FAM222A: variants seen among roughly 807,000 people sequenced by gnomAD.
FAM222A encodes family with sequence similarity 222 member A.
Under a neutral mutation model 25.8 loss-of-function variants are expected in FAM222A, and 7 were observed. The observed-to-expected ratio is 0.27, with a 90% CI of 0.15 to 0.51. The LOEUF is 0.51. FAM222A is among the 20% of genes least tolerant of loss of function. The pLI is 0.97. For synonymous variants in FAM222A, 294 were observed against 298.8 expected, an observed-to-expected ratio of 0.98 and a Z score of 0.17; for missense variants, 573 against 640.5, an observed-to-expected ratio of 0.89 and a Z score of 1.14.
Position 109,769,299 on chromosome 12 carries a change from G to T in FAM222A, c.*11G>T. 6.2e-7 allele frequency: 1 copy of T among 1,600,248 alleles called. No individual in the cohort carries two copies. Among genetic ancestry groups the T allele is most frequent in the Non-Finnish European group, 8.5e-7 (1 of 1,174,056 alleles). On this transcript the variant is annotated 3_prime_UTR_variant, in exon 3 of 3. Transcript: ENST00000538780. Reference sequence around the variant, plus strand: ...CCCGTCTACAGATAAGGCCTGCCCTGCGGACATACGGACATGCGGACAGGG... The same window carrying T: ...CCCGTCTACAGATAAGGCCTGCCCTTCGGACATACGGACATGCGGACAGGG...
At chr12:109,718,687 GGCCGGTCACCTCCGCGGGC>G (rs1887694529) in intron 1 of FAM222A, among the ~76,000 whole-genome samples, 1 of 152,242 alleles carries the variant, frequency 6.6e-6, no homozygotes, top group Admixed American at 6.5e-5. Context: ...CTGCGGTGCC[GGCCGGTCACCTCCGCGGGC>G]GCCGCCCGCC....
intron 1 of FAM222A, among the ~76,000 whole-genome samples, chr12:109,743,324 G>A (rs963760812): frequency 1.1e-4 from 16 of 152,224 alleles, no homozygotes; most frequent in African/African-American, 3.6e-4. Context: ...GGAAGCTGAA[G>A]GCAAGTGTCT....
At chr12:109,730,740 C>T (rs540713816) in intron 1 of FAM222A, among the ~76,000 whole-genome samples, 40 of 152,314 alleles carry the variant, frequency 2.6e-4, no homozygotes, top group Non-Finnish European at 5.0e-4. Flanking sequence ...TGACTGCACT[C>T]GTTGGAGCAT....
At chr12:109,765,701 G>C (rs981847929) in intron 2 of FAM222A, among the ~76,000 whole-genome samples, 1 of 152,024 alleles carries the variant, frequency 6.6e-6, no homozygotes, top group African/African-American at 2.4e-5. Context: ...TGTCAGGGAC[G>C]ATGCTTTAGA....
At chr12:109,739,386 C>T (rs1000583533) in intron 1 of FAM222A, among the ~76,000 whole-genome samples, 1 of 152,218 alleles carries the variant, frequency 6.6e-6, no homozygotes, top group African/African-American at 2.4e-5. Context: ...CACTTTGAGT[C>T]ATTTCCGTCC....
In FAM222A at chr12:109,742,996, TTTC is replaced by T. The variant is rs966931067; in HGVS notation, c.-46-1096_-46-1094del. ...TCTTCCCCTTCAACACCCCCTCTGCTTTCTTCTTCTTTTTTAAAACCAACATGA... is the reference window on the plus strand; with the variant it reads ...TCTTCCCCTTCAACACCCCCTCTGCTTTCTTCTTTTTTAAAACCAACATGA... On this transcript the variant is annotated intron_variant, in intron 1 of 2. Coordinates refer to ENST00000538780, the MANE Select transcript of FAM222A (RefSeq NM_032829.3). Among the ~76,000 whole-genome samples the T allele has an allele frequency of 5.9e-5, 9 of 152,280 alleles. No individual in the cohort carries two copies. In the South Asian group the frequency reaches 8.3e-4, roughly 14 times the overall value.
chr12:109,766,574 C>G (rs1223302219), intron 2 of FAM222A, among the ~76,000 whole-genome samples: 1 of 152,216 alleles, frequency 6.6e-6, no homozygotes, highest in African/African-American at 2.4e-5. Context: ...CTTAACCAGC[C>G]AATGAGGTGG....
chr12:109,724,430 C>T (rs1192144891), intron 1 of FAM222A, among the ~76,000 whole-genome samples: 1 of 152,240 alleles, frequency 6.6e-6, no homozygotes, highest in African/African-American at 2.4e-5. Flanking sequence ...CTGACCAGGC[C>T]TCACAGACTC....
At chr12:109,724,345 G>A (rs981556219) in intron 1 of FAM222A, among the ~76,000 whole-genome samples, 6 of 152,362 alleles carry the variant, frequency 3.9e-5, no homozygotes, top group East Asian at 1.9e-4. Context: ...TGAAAGAGCC[G>A]TGTCACGGGG....
chr12:109,759,876 A>G (rs1888842992), intron 2 of FAM222A, among the ~76,000 whole-genome samples: 2 of 152,214 alleles, frequency 1.3e-5, no homozygotes, highest in African/African-American at 4.8e-5. Flanking sequence ...TTTAGATGTC[A>G]GGGTGGTGAG....
At chr12:109,728,115 G>A (rs1420242593) in intron 1 of FAM222A, among the ~76,000 whole-genome samples, 1 of 152,162 alleles carries the variant, frequency 6.6e-6, no homozygotes. Flanking sequence ...GCACACTCGG[G>A]CCACACAAGC....
intron 2 of FAM222A, among the ~76,000 whole-genome samples, chr12:109,763,005 C>T (rs1888942504): frequency 6.6e-6 from 1 of 152,216 alleles, no homozygotes; most frequent in African/African-American, 2.4e-5. Context: ...CTGGAGGTTG[C>T]TAGGTGCCAG....
chr12:109,764,870 T>G (rs559975986), intron 2 of FAM222A, among the ~76,000 whole-genome samples: 1 of 152,166 alleles, frequency 6.6e-6, no homozygotes, highest in Non-Finnish European at 1.5e-5. Flanking sequence ...CGGAGAAAGA[T>G]TCCCCCGTTG....
At position 109,757,765 on chromosome 12, in the gene FAM222A, A is replaced by AT. The variant is rs1283641512; in HGVS notation, c.83-10247_83-10246insT. 3.1e-5 allele frequency among the ~76,000 whole-genome samples: 3 copies of AT among 97,530 alleles called. No individual in the cohort carries two copies. In the East Asian group the frequency reaches 9.4e-4, roughly 31 times the overall value. The allele number at this position is 97,530 out of a possible 152,430, so 64.0% of individuals were successfully genotyped here. On this transcript the variant is annotated intron_variant, in intron 2 of 2. Coordinates refer to ENST00000538780, the MANE Select transcript of FAM222A (RefSeq NM_032829.3). ...AACAGGCAGGGAGCCAGGGGTGGGG[A>AT]GGGGGCGGGACGGGTAGGTGAGTCA...
At chr12:109,720,222 C>A in intron 1 of FAM222A, 2 of 981,712 alleles carry the variant, frequency 2.0e-6, no homozygotes, top group African/African-American at 1.7e-5. Flanking sequence ...GCAGAGGGCA[C>A]AGGGGACAAA....
chr12:109,725,650 C>A (rs2136321088), intron 1 of FAM222A, among the ~76,000 whole-genome samples: 1 of 152,158 alleles, frequency 6.6e-6, no homozygotes, highest in East Asian at 1.9e-4. Flanking sequence ...GCAGCCCATT[C>A]CCGGCCTGTA....
intron 1 of FAM222A, among the ~76,000 whole-genome samples, chr12:109,727,403 G>C (rs979244362): frequency 1.3e-5 from 2 of 152,126 alleles, no homozygotes; most frequent in African/African-American, 4.8e-5. Flanking sequence ...ACACCTCCAG[G>C]GGACTGGCCA....
At chr12:109,735,374 C>G (rs139794708) in intron 1 of FAM222A, among the ~76,000 whole-genome samples, 1 of 152,320 alleles carries the variant, frequency 6.6e-6, no homozygotes, top group East Asian at 1.9e-4. Flanking sequence ...TGTCTTTCTC[C>G]CGGTTGTGGC....
At position 109,761,207 on chromosome 12, in the gene FAM222A, C is replaced by CT. The variant is rs1333644958; in HGVS notation, c.83-6805_83-6804insT. Among the ~76,000 whole-genome samples the CT allele has an allele frequency of 1.1e-4, 17 of 152,324 alleles. No homozygotes were observed. In the East Asian group the frequency reaches 3.1e-3, roughly 28 times the overall value. On this transcript the variant is annotated intron_variant, in intron 2 of 2. Coordinates refer to ENST00000538780, the MANE Select transcript of FAM222A (RefSeq NM_032829.3). ...TGTGGCTCAGAGTCCACGAATTCCACCTGCAGCCCCACCCCCAGATGCTGT... is the reference window on the plus strand; with the variant it reads ...TGTGGCTCAGAGTCCACGAATTCCACTCTGCAGCCCCACCCCCAGATGCTGT...
Sources: allele counts gnomAD v4.1 joint callset (sites outside exome capture counted in the v4.1 genomes callset), GRCh38; gene constraint gnomAD v4.1.1; transcripts MANE v1.5; gene names NCBI Gene and HGNC (gene_info 2026-07-23, HGNC 2026-07-21).